The following FCHO2 variants were observed in gnomAD, a reference collection of about 807,000 sequenced individuals.
FCHO2 encodes the protein FCH and mu domain containing endocytic adaptor 2, also known as F-BAR domain only protein 2.
FCHO2 carries 43 observed loss-of-function variants against 114.1 expected under a neutral mutation model. The ratio of observed to expected loss-of-function variants is 0.38; its 90% CI spans 0.30 to 0.49. FCHO2 has a LOEUF of 0.49. Ranked by LOEUF, FCHO2 falls within the 20% of genes least tolerant of loss-of-function variation. The pLI is 0.97. For synonymous variants in FCHO2, 293 were observed against 315.2 expected (o/e 0.93, Z 0.75); for missense variants, 807 against 950.4 (o/e 0.85, Z 1.98).
At chr5:72,967,779 C>G (rs993039069) in intron 1 of FCHO2, among the ~76,000 whole-genome samples, 2 of 151,958 alleles carry the variant, frequency 1.3e-5, no homozygotes, top group South Asian at 4.1e-4. Context: ...GCCACCATGC[C>G]CGGCTAATTT....
intron 8 of FCHO2, among the ~76,000 whole-genome samples, chr5:73,021,536 C>A (rs892006912): frequency 3.9e-5 from 6 of 152,134 alleles, no homozygotes; most frequent in African/African-American, 1.4e-4. Flanking sequence ...CTTTCCTACA[C>A]CACATCTTTA....
At chr5:72,962,818 G>A (rs1008917165) in intron 1 of FCHO2, among the ~76,000 whole-genome samples, 15 of 151,972 alleles carry the variant, frequency 9.9e-5, no homozygotes, top group African/African-American at 2.9e-4. Context: ...GCTTGAACCC[G>A]GGTGGCAGAG....
At chr5:72,962,753 C>T (rs1362248330) in intron 1 of FCHO2, among the ~76,000 whole-genome samples, 1 of 151,972 alleles carries the variant, frequency 6.6e-6, no homozygotes. Flanking sequence ...ATTAGCTGGG[C>T]GTGATGGTGC....
intron 8 of FCHO2, among the ~76,000 whole-genome samples, chr5:73,034,246 G>A (rs1379255754): frequency 6.6e-6 from 1 of 152,136 alleles, no homozygotes; most frequent in East Asian, 1.9e-4. Flanking sequence ...TGTTCTAGTA[G>A]TATTTACTAT....
intron 6 of FCHO2, 114 bp downstream of exon 6, chr5:73,006,663 A>G (rs2112715931): frequency 6.2e-6 from 4 of 642,466 alleles, no homozygotes; most frequent in Non-Finnish European, 7.3e-6. Context: ...CACAATCTCA[A>G]TTTGTTAATG....
chr5:72,992,593 A>G (rs1753865540), intron 5 of FCHO2, among the ~76,000 whole-genome samples: 3 of 152,206 alleles, frequency 2.0e-5, no homozygotes, highest in African/African-American at 7.2e-5. Flanking sequence ...GCCTGAAACT[A>G]TAGATAGGGA....
chr5:72,967,200 C>T (rs1174815347), intron 1 of FCHO2, among the ~76,000 whole-genome samples: 1 of 152,198 alleles, frequency 6.6e-6, no homozygotes, highest in Non-Finnish European at 1.5e-5. Context: ...GCACAAGAAT[C>T]GCTTGAACCC....
intron 5 of FCHO2, among the ~76,000 whole-genome samples, chr5:72,999,265 G>C (rs1379772955): frequency 6.6e-6 from 1 of 150,878 alleles, no homozygotes; most frequent in Non-Finnish European, 1.5e-5. Flanking sequence ...TAACAAGAAT[G>C]TAGATTTTTT....
intron 11 of FCHO2, among the ~76,000 whole-genome samples, chr5:73,044,267 G>A (rs1313989685): frequency 1.3e-5 from 2 of 152,054 alleles, no homozygotes; most frequent in South Asian, 2.1e-4. Context: ...GAGAACAGAC[G>A]AATACAGTCA....
chr5:73,083,054 G>GT (rs369631939), intron 24 of FCHO2, among the ~76,000 whole-genome samples: 164 of 143,814 alleles, frequency 1.1e-3, no homozygotes, highest in South Asian at 6.2e-3. Flanking sequence ...TTGTTTGTTT[G>GT]TTTTTTTTTT....
At chr5:73,020,852 C>G in intron 8 of FCHO2, 1 of 960,536 alleles carries the variant, frequency 1.0e-6, no homozygotes, top group Admixed American at 1.7e-5. Flanking sequence ...GAGATATTTA[C>G]TCTGACCATT....
intron 19 of FCHO2, among the ~76,000 whole-genome samples, chr5:73,071,330 C>T (rs1312970257): frequency 6.6e-6 from 1 of 151,618 alleles, no homozygotes; most frequent in Non-Finnish European, 1.5e-5. Flanking sequence ...AAAAAAAAAA[C>T]CTCTAATACC....
Position 73,006,420 on chromosome 5 carries a change from AG to A in FCHO2, c.496-24del. ...GAAAAAAGGTCAATGCACAGTTAAA[AG>A]TTTTTTATTTTATTTTATTACAGGC... On this transcript the variant is annotated intron_variant, in intron 5 of 25. Coordinates refer to ENST00000430046, the MANE Select transcript of FCHO2 (RefSeq NM_138782.3). 3 of 1,404,568 alleles carry A rather than the reference AG, an allele frequency of 2.1e-6. 1 individual carries two copies. In the African/African-American group the frequency reaches 4.5e-5, roughly 21 times the overall value. 87.0% of individuals were successfully genotyped at this position (1,404,568 alleles called of 1,614,324 possible).
At chr5:72,963,902 G>GTTTTTTTTTTTTTTT (rs70973214) in intron 1 of FCHO2, among the ~76,000 whole-genome samples, 1 of 95,694 alleles carries the variant, frequency 1.0e-5, no homozygotes, top group Non-Finnish European at 1.9e-5. Context: ...GGAACTTTCA[G>GTTTTTTTTTTTTTTT]TTTTTTTTTT....
chr5:73,023,700 CAAAA>C (rs201431388), intron 8 of FCHO2, among the ~76,000 whole-genome samples: 1 of 127,588 alleles, frequency 7.8e-6, no homozygotes. Context: ...AACTCCATCT[CAAAA>C]AAAAAAAAAA....
At chr5:72,967,660 C>G (rs1009846960) in intron 1 of FCHO2, among the ~76,000 whole-genome samples, 1 of 152,168 alleles carries the variant, frequency 6.6e-6, no homozygotes, top group African/African-American at 2.4e-5. Context: ...CACCCTGTCT[C>G]CCAGGCTGGA....
intron 24 of FCHO2, among the ~76,000 whole-genome samples, chr5:73,085,991 G>T (rs1390925321): frequency 4.6e-5 from 7 of 150,706 alleles, no homozygotes; most frequent in Admixed American, 2.0e-4. Context: ...GCATGGTGGT[G>T]TGCGCCTGTA....
intron 5 of FCHO2, among the ~76,000 whole-genome samples, chr5:73,005,850 C>T (rs754621173): frequency 9.2e-5 from 14 of 151,878 alleles, no homozygotes; most frequent in East Asian, 5.8e-4. Flanking sequence ...GTAACAGTTT[C>T]GTTTTTTAAG....
At chr5:72,983,568 T>G (rs1383929814) in intron 2 of FCHO2, among the ~76,000 whole-genome samples, 1 of 149,394 alleles carries the variant, frequency 6.7e-6, no homozygotes. Context: ...TTTTTTTTTT[T>G]TGGAGAGACA....
Sources: allele counts gnomAD v4.1 joint callset (sites outside exome capture counted in the v4.1 genomes callset), GRCh38; gene constraint gnomAD v4.1.1; transcripts MANE v1.5; gene names NCBI Gene and HGNC (gene_info 2026-07-23, HGNC 2026-07-21).